GPC3: variants seen among roughly 807,000 people sequenced by gnomAD.
The protein encoded by GPC3 is glypican 3.
In GPC3, 3 loss-of-function variants were observed where a neutral mutation model predicts 34.4. The ratio of observed to expected loss-of-function variants is 0.09; its 90% CI spans 0.04 to 0.23. The LOEUF (loss-of-function observed/expected upper bound fraction) is 0.23, where lower values mean the gene tolerates loss of function less well. Among genes scored for constraint, GPC3 ranks in the 10% least tolerant of loss-of-function variants. The pLI, the probability that GPC3 is intolerant of heterozygous loss-of-function variation, is 1.00. For synonymous variants in GPC3, 177 were observed against 174.0 expected (o/e 1.02, Z -0.13); for missense variants, 351 against 445.6 (o/e 0.79, Z 1.91).
chrX:133,788,952 T>C (rs2072134833), intron 2 of GPC3, among the ~76,000 whole-genome samples: 1 of 110,548 alleles, frequency 9.0e-6, no homozygotes, highest in African/African-American at 3.3e-5. Flanking sequence ...GTGATGATAA[T>C]GAAGGATATC....
chrX:133,646,362 G>C (rs1385149477), intron 6 of GPC3, among the ~76,000 whole-genome samples: 1 of 112,283 alleles, frequency 8.9e-6, no homozygotes, highest in Non-Finnish European at 1.9e-5. Context: ...ACTGAAAGTA[G>C]AGAGGATCAC....
chrX:133,792,387 A>C (rs1402243634), intron 2 of GPC3, among the ~76,000 whole-genome samples: 2 of 111,576 alleles, frequency 1.8e-5, no homozygotes, highest in African/African-American at 6.5e-5. Flanking sequence ...ATGCTCAATA[A>C]ATGGGTATAG....
rs201681195 is a variant in GPC3, at chrX:133,649,268, A to ATGTG, written c.1413+12458_1413+12461dup. Among the ~76,000 whole-genome samples, 638 of 104,100 alleles carry ATGTG rather than the reference A, an allele frequency of 6.1e-3. 3 individuals are homozygous for ATGTG. The highest frequency in any genetic ancestry group is 0.02 in the African/African-American group (583 of 28,513). 90.4% of individuals were successfully genotyped at this position (104,100 alleles called of 115,157 possible). The stretch of plus-strand genomic sequence containing the variant: ...TAATAAATGACGAGGATATATATAT[A>ATGTG]TGTGTGTGTGTGTGTGTGTGTGTGT... On this transcript the variant is annotated intron_variant, in intron 6 of 7. Transcript: ENST00000370818.
intron 2 of GPC3, among the ~76,000 whole-genome samples, chrX:133,951,671 C>T (rs901458624): frequency 3.6e-5 from 4 of 111,791 alleles, no homozygotes; most frequent in African/African-American, 1.3e-4. Context: ...CATTCTATCA[C>T]CAAATTGTTA....
chrX:133,573,708 C>CA (rs1335785718), intron 7 of GPC3, among the ~76,000 whole-genome samples: 4 of 111,666 alleles, frequency 3.6e-5, no homozygotes, highest in African/African-American at 1.3e-4. Flanking sequence ...ATAAGTTTAA[C>CA]AAAAAAGTAG....
intron 2 of GPC3, among the ~76,000 whole-genome samples, chrX:133,831,703 TCAAAACAAAA>T (rs751814226): frequency 3.5e-4 from 39 of 110,476 alleles, no homozygotes; most frequent in African/African-American, 1.3e-3. Context: ...GCACTCTGTC[TCAAAACAAAA>T]CAAAACAAAA....
At chrX:133,542,609 A>G (rs1181326001) in intron 7 of GPC3, among the ~76,000 whole-genome samples, 1 of 112,376 alleles carries the variant, frequency 8.9e-6, no homozygotes, top group Non-Finnish European at 1.9e-5. Context: ...TTACTTGCCA[A>G]GCTTGCATCA....
At chrX:133,537,177 G>A (rs774856419) in intron 7 of GPC3, among the ~76,000 whole-genome samples, 18 of 111,895 alleles carry the variant, frequency 1.6e-4, no homozygotes, top group Non-Finnish European at 3.0e-4. Flanking sequence ...CCTGGCCAAG[G>A]GCTCATTATC....
intron 2 of GPC3, among the ~76,000 whole-genome samples, chrX:133,760,125 C>T (rs1423528614): frequency 1.8e-5 from 2 of 112,031 alleles, no homozygotes; most frequent in Non-Finnish European, 3.8e-5. Context: ...AAATTCATAA[C>T]ACTAACAACA....
chrX:133,818,980 G>A (rs2075705806), intron 2 of GPC3, among the ~76,000 whole-genome samples: 1 of 110,003 alleles, frequency 9.1e-6, no homozygotes, highest in African/African-American at 3.3e-5. Flanking sequence ...TTTCTCTACT[G>A]ATGGATTTTT....
chrX:133,703,928 T>C (rs1430142300), intron 3 of GPC3, among the ~76,000 whole-genome samples: 1 of 112,464 alleles, frequency 8.9e-6, no homozygotes. Flanking sequence ...AGAATTGTCT[T>C]GGGCCACACA....
intron 1 of GPC3, among the ~76,000 whole-genome samples, chrX:133,976,927 T>TAATAAATAAATA (rs3040476): frequency 1.7e-3 from 163 of 94,075 alleles, no homozygotes; most frequent in South Asian, 7.8e-3. Context: ...CAAAAAATGA[T>TAATAAATAAATA]AATAAATAAA....
intron 2 of GPC3, among the ~76,000 whole-genome samples, chrX:133,913,817 C>T (rs750922261): frequency 1.8e-4 from 20 of 110,541 alleles, no homozygotes; most frequent in African/African-American, 6.6e-4. Flanking sequence ...TGGTGGAGAG[C>T]CTGCTCTCTT....
At chrX:133,821,434 T>TACTG (rs2075718245) in intron 2 of GPC3, among the ~76,000 whole-genome samples, 1 of 112,486 alleles carries the variant, frequency 8.9e-6, no homozygotes, top group South Asian at 3.7e-4. Flanking sequence ...AATTTGGGAA[T>TACTG]ACTGGCACAT....
chrX:133,923,717 C>A (rs1271426521), intron 2 of GPC3, among the ~76,000 whole-genome samples: 1 of 112,519 alleles, frequency 8.9e-6, no homozygotes. Context: ...CAGCCCTAGG[C>A]TCGGCAGTGG....
At chrX:133,595,925 G>A (rs1389785126) in intron 7 of GPC3, among the ~76,000 whole-genome samples, 1 of 111,917 alleles carries the variant, frequency 8.9e-6, no homozygotes, top group East Asian at 2.8e-4. Context: ...GTCAGCTAAT[G>A]GCTCTTCCTT....
At chrX:133,693,145 A>G (rs2071079953) in intron 4 of GPC3, among the ~76,000 whole-genome samples, 1 of 103,973 alleles carries the variant, frequency 9.6e-6, no homozygotes, top group South Asian at 4.6e-4. Flanking sequence ...TGTGCTACAT[A>G]TAATAAGACA....
At chrX:133,752,408 G>T (rs908507067) in intron 3 of GPC3, among the ~76,000 whole-genome samples, 1 of 111,314 alleles carries the variant, frequency 9.0e-6, no homozygotes, top group Non-Finnish European at 1.9e-5. Context: ...CCAGCTTTTA[G>T]GTTTATTAAG....
intron 6 of GPC3, among the ~76,000 whole-genome samples, chrX:133,632,156 G>A (rs1603203585): frequency 1.8e-5 from 2 of 111,696 alleles, no homozygotes; most frequent in South Asian, 7.5e-4. Flanking sequence ...CTGGAATGCA[G>A]TGGTGCAATC....
Sources: gnomAD v4.1 joint callset for allele counts (sites outside exome capture counted in the v4.1 genomes callset) on GRCh38, gnomAD v4.1.1 for gene constraint, MANE v1.5 for transcripts, NCBI Gene and HGNC (gene_info 2026-07-23, HGNC 2026-07-21) for gene names.